KCNQ5: variants seen among roughly 807,000 people sequenced by gnomAD.
KCNQ5 encodes potassium voltage-gated channel subfamily KQT member 5.
A neutral mutation model predicts 98.2 loss-of-function variants in KCNQ5; 30 were observed. The observed-to-expected ratio is 0.31, with a 90% CI of 0.23 to 0.41. The LOEUF is 0.41. KCNQ5 is among the 10% of genes least tolerant of loss of function. The probability of loss-of-function intolerance (pLI) is 1.00; values close to 1 mark genes in which losing one functional copy is unlikely to be tolerated. For missense variants in KCNQ5, 835 were observed against 1,182.5 expected (o/e 0.71, Z 4.31); for synonymous variants, 458 against 449.4 (o/e 1.02, Z -0.24).
intron 1 of KCNQ5, among the ~76,000 whole-genome samples, chr6:72,636,555 T>A (rs2098924242): frequency 6.6e-6 from 1 of 152,220 alleles, no homozygotes; most frequent in African/African-American, 2.4e-5. Context: ...CCTGAATGAA[T>A]CTAGGAGGAT....
intron 1 of KCNQ5, among the ~76,000 whole-genome samples, chr6:72,965,942 G>A (rs118171326): frequency 0.022 from 3,394 of 152,232 alleles, 45 homozygotes; most frequent in Middle Eastern, 0.075. Flanking sequence ...TCAACCTCTT[G>A]GTTTTACAGA....
At chr6:72,808,388 C>G (rs1775059376) in intron 1 of KCNQ5, among the ~76,000 whole-genome samples, 1 of 152,098 alleles carries the variant, frequency 6.6e-6, no homozygotes, top group Admixed American at 6.6e-5. Flanking sequence ...GTTAAAGTGT[C>G]TACATCAACC....
chr6:72,701,881 A>G (rs1471155272), intron 1 of KCNQ5, among the ~76,000 whole-genome samples: 1 of 151,798 alleles, frequency 6.6e-6, no homozygotes, highest in Non-Finnish European at 1.5e-5. Context: ...TTCTGTAGAG[A>G]CAGGGTTTTG....
At chr6:73,103,323 G>C (rs9343007) in intron 5 of KCNQ5, among the ~76,000 whole-genome samples, 1 of 152,156 alleles carries the variant, frequency 6.6e-6, no homozygotes, top group Admixed American at 6.5e-5. Flanking sequence ...GGATGAGTTC[G>C]TGTCCTTTGT....
intron 6 of KCNQ5, among the ~76,000 whole-genome samples, chr6:73,108,822 A>G (rs4708034): frequency 0.96 from 145,618 of 152,180 alleles, 69,663 homozygotes; most frequent in South Asian, 0.98. Context: ...GCAAGACTCC[A>G]TCTCAAAAAA....
intron 1 of KCNQ5, among the ~76,000 whole-genome samples, chr6:72,629,004 C>G (rs1565041874): frequency 6.6e-6 from 1 of 152,102 alleles, no homozygotes; most frequent in African/African-American, 2.4e-5. Flanking sequence ...CCCTCAACCC[C>G]AATTCTTTAA....
intron 10 of KCNQ5, among the ~76,000 whole-genome samples, chr6:73,153,973 TG>T (rs1777254975): frequency 7.5e-6 from 1 of 133,220 alleles, no homozygotes; most frequent in Non-Finnish European, 1.6e-5. Flanking sequence ...TGCAATTACC[TG>T]TTCAAAATAT....
intron 1 of KCNQ5, among the ~76,000 whole-genome samples, chr6:72,848,210 A>T (rs1281841723): frequency 6.6e-6 from 1 of 151,686 alleles, no homozygotes; most frequent in Admixed American, 6.6e-5. Context: ...TTTCTTACTT[A>T]AAGTTCCGGG....
At chr6:73,013,516 G>T (rs1770177799) in intron 2 of KCNQ5, among the ~76,000 whole-genome samples, 1 of 152,074 alleles carries the variant, frequency 6.6e-6, no homozygotes, top group South Asian at 2.1e-4. Flanking sequence ...AAAATGAAAG[G>T]GAGCCAGCAT....
chr6:72,687,529 G>T (rs1229326695), intron 1 of KCNQ5, among the ~76,000 whole-genome samples: 2 of 152,164 alleles, frequency 1.3e-5, no homozygotes, highest in African/African-American at 4.8e-5. Context: ...CATATTTACA[G>T]TGCTCCAAGA....
intron 1 of KCNQ5, among the ~76,000 whole-genome samples, chr6:72,815,778 G>A (rs1294103220): frequency 3.3e-5 from 5 of 152,176 alleles, no homozygotes; most frequent in Non-Finnish European, 7.3e-5. Flanking sequence ...AAATTGATAT[G>A]ACTCATTTTG....
intron 1 of KCNQ5, among the ~76,000 whole-genome samples, chr6:72,929,482 C>T (rs1765593683): frequency 6.6e-6 from 1 of 152,110 alleles, no homozygotes; most frequent in Admixed American, 6.6e-5. Flanking sequence ...TAATTAAGAA[C>T]CTTGTCTTTG....
intron 1 of KCNQ5, among the ~76,000 whole-genome samples, chr6:72,792,632 A>G (rs1469260553): frequency 6.6e-6 from 1 of 152,186 alleles, no homozygotes; most frequent in African/African-American, 2.4e-5. Context: ...CTGGTGTTTT[A>G]TATGCCTTAA....
At chr6:72,994,927 A>C (rs944165448) in intron 1 of KCNQ5, among the ~76,000 whole-genome samples, 29 of 152,192 alleles carry the variant, frequency 1.9e-4, no homozygotes, top group Non-Finnish European at 3.7e-4. Context: ...TCTTGAAAAA[A>C]TGTGATGAAT....
chr6:73,125,838 C>G (rs371376895), intron 9 of KCNQ5, among the ~76,000 whole-genome samples: 2 of 822 alleles, frequency 2.4e-3, no homozygotes, highest in East Asian at 0.031. Flanking sequence ...GTAGCTCTAA[C>G]TACCAAATAA....
chr6:72,932,889 C>T (rs1404838754), intron 1 of KCNQ5, among the ~76,000 whole-genome samples: 1 of 152,158 alleles, frequency 6.6e-6, no homozygotes, highest in Admixed American at 6.5e-5. Context: ...CTTTTCTGTG[C>T]TGTATTTTAT....
chr6:72,660,682 C>T (rs1766472829), intron 1 of KCNQ5, among the ~76,000 whole-genome samples: 1 of 152,114 alleles, frequency 6.6e-6, no homozygotes, highest in Admixed American at 6.6e-5. Flanking sequence ...CTATTGATGT[C>T]CTATTTTGAC....
At position 73,120,473 on chromosome 6, in the gene KCNQ5, C is replaced by A; in HGVS notation, c.1126-10C>A. 6.3e-7 allele frequency: 1 copy of A among 1,595,500 alleles called. No individual in the cohort carries two copies. The highest frequency in any genetic ancestry group is 1.1e-5 in the South Asian group (1 of 89,200). ...TTTCTTTTTCATGTCCCCATCTATG[C>A]CACATGCAGTGTGTTTGGCGTAGTT... On this transcript the variant is annotated splice_polypyrimidine_tract_variant and intron_variant, in intron 7 of 13. Coordinates refer to ENST00000370398, the MANE Select transcript of KCNQ5 (RefSeq NM_019842.4).
At chr6:72,707,907 A>C (rs115285418) in intron 1 of KCNQ5, among the ~76,000 whole-genome samples, 1 of 151,792 alleles carries the variant, frequency 6.6e-6, no homozygotes, top group African/African-American at 2.4e-5. Context: ...CTGATCTCGA[A>C]CTCCTGGCTT....
Sources: gnomAD v4.1 joint callset for allele counts (sites outside exome capture counted in the v4.1 genomes callset) on GRCh38, gnomAD v4.1.1 for gene constraint, MANE v1.5 for transcripts, NCBI Gene and HGNC (gene_info 2026-07-23, HGNC 2026-07-21) for gene names.